LARP1B: variants seen among roughly 807,000 people sequenced by gnomAD.
LARP1B encodes the protein la-related protein 1B.
LARP1B carries 76 observed loss-of-function variants against 114.2 expected under a neutral mutation model. The observed-to-expected ratio is 0.67, with a 90% CI of 0.55 to 0.81. The LOEUF (loss-of-function observed/expected upper bound fraction) is 0.81, where lower values mean the gene tolerates loss of function less well. Among genes scored for constraint, LARP1B ranks in the 30% least tolerant of loss-of-function variants. The probability of loss-of-function intolerance (pLI) is 0.00; values close to 1 mark genes in which losing one functional copy is unlikely to be tolerated. For missense variants in LARP1B, 1,014 were observed against 1,075.8 expected (o/e 0.94, Z 0.80); for synonymous variants, 345 against 348.0 (o/e 0.99, Z 0.10).
At chr4:128,130,724 C>T (rs773367478) in intron 11 of LARP1B, among the ~76,000 whole-genome samples, 5 of 152,164 alleles carry the variant, frequency 3.3e-5, no homozygotes, top group African/African-American at 9.7e-5. Flanking sequence ...ATAACCTGAA[C>T]GTGGATGTTT....
chr4:128,168,789 G>C (rs1237705131), intron 12 of LARP1B, among the ~76,000 whole-genome samples: 2 of 149,018 alleles, frequency 1.3e-5, no homozygotes, highest in African/African-American at 2.5e-5. Flanking sequence ...TCATTGTCTT[G>C]GATTATATTT....
intron 11 of LARP1B, among the ~76,000 whole-genome samples, chr4:128,148,699 G>A (rs1290321268): frequency 6.6e-6 from 1 of 151,900 alleles, no homozygotes; most frequent in Admixed American, 6.6e-5. Context: ...GCGGGGTCTT[G>A]GCTCATTGCA....
intron 1 of LARP1B, among the ~76,000 whole-genome samples, chr4:128,069,812 ATTC>A (rs1422728159): frequency 3.9e-5 from 6 of 151,976 alleles, no homozygotes; most frequent in African/African-American, 9.6e-5. Context: ...TGTCTTTTTT[ATTC>A]TTATTTTTCT....
At chr4:128,125,939 A>G (rs1359652037) in intron 11 of LARP1B, among the ~76,000 whole-genome samples, 2 of 152,066 alleles carry the variant, frequency 1.3e-5, no homozygotes, top group African/African-American at 4.8e-5. Context: ...AGCATATGAA[A>G]ATAAAGATTT....
chr4:128,081,702 T>C (rs191907546), intron 4 of LARP1B, among the ~76,000 whole-genome samples: 7 of 152,298 alleles, frequency 4.6e-5, no homozygotes, highest in Non-Finnish European at 8.8e-5. Flanking sequence ...CAGTTAAATT[T>C]ACAAGGGGAT....
chr4:128,123,032 C>G, intron 11 of LARP1B: 1 of 985,170 alleles, frequency 1.0e-6, no homozygotes, highest in South Asian at 4.7e-5. Flanking sequence ...GGAAACTGAT[C>G]TTGGTTGGAA....
intron 15 of LARP1B, among the ~76,000 whole-genome samples, chr4:128,191,845 C>T (rs1752397577): frequency 6.6e-6 from 1 of 152,164 alleles, no homozygotes; most frequent in Non-Finnish European, 1.5e-5. Context: ...GGTGGGAAAG[C>T]TGGCTGTCCT....
chr4:128,191,663 A>G (rs1752333358), intron 15 of LARP1B, among the ~76,000 whole-genome samples: 1 of 152,154 alleles, frequency 6.6e-6, no homozygotes, highest in African/African-American at 2.4e-5. Flanking sequence ...CCACTCTGAT[A>G]TGGCATCTCT....
At chr4:128,181,180 C>CTTTTTTTTTT (rs70966086) in intron 15 of LARP1B, among the ~76,000 whole-genome samples, 3 of 130,002 alleles carry the variant, frequency 2.3e-5, no homozygotes, top group Non-Finnish European at 1.7e-5. Flanking sequence ...CTCATCCATT[C>CTTTTTTTTTT]TTTTTTTTTT....
chr4:128,094,837 C>T (rs982589805), intron 7 of LARP1B, among the ~76,000 whole-genome samples: 16 of 152,016 alleles, frequency 1.1e-4, no homozygotes, highest in Non-Finnish European at 1.5e-4. Flanking sequence ...CTGCAACCTC[C>T]GCCTCCCGAG....
chr4:128,179,528 A>C lies in LARP1B; in HGVS notation c.2003+16A>C. On this transcript the variant is annotated intron_variant, in intron 15 of 19. Transcript: ENST00000326639. ...CCTCTGTCAGGTACTATATTTCTCA[A>C]ACATTACTTTTTTGTTCGTGATTTG... 6.7e-7 allele frequency: 1 copy of C among 1,488,988 alleles called. No individual in the cohort carries two copies. 92.2% of individuals were successfully genotyped at this position (1,488,988 alleles called of 1,614,324 possible). A position where few individuals can be genotyped will look rare whatever the true frequency, so the allele number is the denominator to read the frequency against.
chr4:128,066,025 CAG>C (rs1762651996), intron 1 of LARP1B, among the ~76,000 whole-genome samples: 1 of 151,490 alleles, frequency 6.6e-6, no homozygotes, highest in South Asian at 2.1e-4. Context: ...TTTGTAGAGA[CAG>C]GGGCCCCCTT....
At chr4:128,193,555 C>T (rs1022691300) in intron 15 of LARP1B, among the ~76,000 whole-genome samples, 1 of 151,904 alleles carries the variant, frequency 6.6e-6, no homozygotes. Flanking sequence ...TTGATAATAC[C>T]CATAGCTGTT....
At chr4:128,078,252 A>G (rs933382855) in intron 4 of LARP1B, among the ~76,000 whole-genome samples, 1 of 152,140 alleles carries the variant, frequency 6.6e-6, no homozygotes, top group Non-Finnish European at 1.5e-5. Context: ...GTTCTTTTAG[A>G]TCTGCATTGG....
At chr4:128,138,159 C>T (rs1726295084) in intron 11 of LARP1B, among the ~76,000 whole-genome samples, 1 of 151,774 alleles carries the variant, frequency 6.6e-6, no homozygotes, top group Non-Finnish European at 1.5e-5. Flanking sequence ...ATATCTAACG[C>T]ACAATAGAGG....
intron 8 of LARP1B, among the ~76,000 whole-genome samples, chr4:128,099,958 A>T (rs1324595975): frequency 1.3e-5 from 2 of 151,734 alleles, no homozygotes; most frequent in Non-Finnish European, 2.9e-5. Context: ...TGGGTTTTTT[A>T]TTTTTTTGGG....
At chr4:128,214,756 G>A (rs1347891019), downstream of LARP1B, among the ~76,000 whole-genome samples, 4 of 50,092 alleles carry the variant, frequency 8.0e-5, no homozygotes, top group Admixed American at 2.2e-4. Flanking sequence ...CCAAAGGAAC[G>A]CAGTTCCTCA....
intron 5 of LARP1B, among the ~76,000 whole-genome samples, chr4:128,087,939 TTTTA>T (rs1561139501): frequency 6.6e-6 from 1 of 152,220 alleles, no homozygotes; most frequent in Non-Finnish European, 1.5e-5. Context: ...CATTTTAAGT[TTTTA>T]TTCTAAAAGT....
chr4:128,116,896 T>C (rs1786038818), intron 10 of LARP1B, among the ~76,000 whole-genome samples: 1 of 150,634 alleles, frequency 6.6e-6, no homozygotes, highest in Admixed American at 6.8e-5. Flanking sequence ...ATTCTTTTTA[T>C]CAAGTGATTT....
Sources: allele counts gnomAD v4.1 joint callset (sites outside exome capture counted in the v4.1 genomes callset), GRCh38; gene constraint gnomAD v4.1.1; transcripts MANE v1.5; gene names NCBI Gene and HGNC (gene_info 2026-07-23, HGNC 2026-07-21).